SGK3: variants seen among roughly 807,000 people sequenced by gnomAD.
SGK3 encodes serine/threonine-protein kinase Sgk3.
In SGK3, 47 loss-of-function variants were observed where a neutral mutation model predicts 68.5. That is an observed-to-expected ratio of 0.69 (90% CI 0.54 to 0.87). The LOEUF is 0.87. SGK3 is among the 40% of genes least tolerant of loss of function. SGK3 has a pLI of 0.00. For synonymous variants in SGK3, 181 were observed against 189.1 expected (o/e 0.96, Z 0.35); for missense variants, 479 against 575.5 (o/e 0.83, Z 1.72).
At chr8:66,721,997 T>G (rs1378875585) in intron 1 of SGK3, among the ~76,000 whole-genome samples, 1 of 152,156 alleles carries the variant, frequency 6.6e-6, no homozygotes, top group Non-Finnish European at 1.5e-5. Flanking sequence ...AGATATACAC[T>G]GGTGAAAGCT....
At chr8:66,822,309 T>C in intron 5 of SGK3, 63 bp from the exon 6 acceptor site, 1 of 1,458,540 alleles carries the variant, frequency 6.9e-7, no homozygotes, top group Non-Finnish European at 9.3e-7. Context: ...ATTTTCATTT[T>C]AAAAGGGAGA....
intron 1 of SGK3, among the ~76,000 whole-genome samples, chr8:66,780,058 A>T (rs755897387): frequency 6.6e-6 from 1 of 152,218 alleles, no homozygotes; most frequent in Non-Finnish European, 1.5e-5. Flanking sequence ...ACACATGCTG[A>T]TATACTCCCA....
chr8:66,755,023 C>T (rs951968393), intron 1 of SGK3, among the ~76,000 whole-genome samples: 5 of 152,114 alleles, frequency 3.3e-5, no homozygotes, highest in Non-Finnish European at 5.9e-5. Context: ...CTTTGGGAGG[C>T]GGAAGCGGGT....
In SGK3 at chr8:66,840,487, A is replaced by G. The variant is rs1017902842; in HGVS notation, c.891+240A>G. Among the ~76,000 whole-genome samples the G allele has an allele frequency of 7.2e-5, 11 of 152,174 alleles. No homozygotes were observed. In the South Asian group the frequency reaches 1.9e-3, roughly 26 times the overall value. On this transcript the variant is annotated intron_variant, in intron 12 of 16. Transcript: ENST00000521198. ...CCTTTGGTGGTGGTTACACAAATCT[A>G]TACATCTGTATTGCGTAGAGCTACA...
In SGK3 at chr8:66,800,328, G is replaced by A. The variant is rs1327728818; in HGVS notation, c.180+1703G>A. 1.9e-4 allele frequency among the ~76,000 whole-genome samples: 28 copies of A among 144,656 alleles called. No homozygotes were observed. The South Asian group carries it at 3.2e-3, about 17-fold the overall frequency. 94.9% of individuals were successfully genotyped at this position (144,656 alleles called of 152,430 possible). A position where few individuals can be genotyped will look rare whatever the true frequency, so the allele number is the denominator to read the frequency against. On this transcript the variant is annotated intron_variant, in intron 3 of 16. Coordinates refer to ENST00000521198, the MANE Select transcript of SGK3 (RefSeq NM_001033578.3). ...TGCACTCCAGCCTGGGTGACGGAGC[G>A]AGACTCTCTCTCAAAAAAAAAAAAG...
At chr8:66,840,318 A>T in intron 12 of SGK3, 71 bp downstream of exon 12, 3 of 1,378,396 alleles carry the variant, frequency 2.2e-6, no homozygotes, top group East Asian at 2.3e-5. Context: ...GTGCAAAAAA[A>T]GTCTCAGAGA....
intron 9 of SGK3, 29 bp from the exon 10 acceptor site, chr8:66,835,914 A>G: frequency 1.9e-6 from 3 of 1,612,766 alleles, no homozygotes; most frequent in Non-Finnish European, 2.5e-6. Context: ...CTAGTGTATA[A>G]TACAATTGAT....
At chr8:66,831,790 T>A (rs1318947807) in intron 8 of SGK3, among the ~76,000 whole-genome samples, 1 of 152,218 alleles carries the variant, frequency 6.6e-6, no homozygotes, top group Non-Finnish European at 1.5e-5. Context: ...AGAAAAGGCA[T>A]CTACTCAAAT....
At chr8:66,737,897 T>C (rs1234677863) in intron 1 of SGK3, among the ~76,000 whole-genome samples, 2 of 152,144 alleles carry the variant, frequency 1.3e-5, no homozygotes, top group Non-Finnish European at 2.9e-5. Flanking sequence ...ATTATAGGCA[T>C]GAGCCACCGC....
At chr8:66,817,614 A>G (rs1808647818) in intron 5 of SGK3, among the ~76,000 whole-genome samples, 1 of 151,902 alleles carries the variant, frequency 6.6e-6, no homozygotes, top group Non-Finnish European at 1.5e-5. Context: ...GGCCTCCTGA[A>G]GTGCTGGGAT....
In SGK3 at chr8:66,840,076, G is replaced by C; in HGVS notation, c.815G>C (p.Ser272Thr). 6.2e-7 allele frequency: 1 copy of C among 1,613,888 alleles called. No individual in the cohort carries two copies. Among genetic ancestry groups the C allele is most frequent in the Non-Finnish European group, 8.5e-7 (1 of 1,179,952 alleles). The change falls in exon 11 of 17, where the codon AGT becomes ACT. Residue 272 changes from serine to threonine, a missense_variant. By Grantham distance (58) the Ser-to-Thr change is moderately conservative (BLOSUM62 1). Transcript: ENST00000521198. ...RARFYAAEIASALGYLHSIKI... is the reference protein window; with the variant it reads ...RARFYAAEIATALGYLHSIKI... The stretch of plus-strand genomic sequence containing the variant: ...AGGTTTTACGCTGCTGAAATTGCTA[G>C]TGCATTGGGTTACTTACATTCCATC...
intron 15 of SGK3, among the ~76,000 whole-genome samples, chr8:66,850,378 T>A (rs78084577): frequency 6.6e-6 from 1 of 152,320 alleles, no homozygotes; most frequent in Non-Finnish European, 1.5e-5. Flanking sequence ...TTTTTATTAG[T>A]AGAACTCATG....
chr8:66,848,484 T>C (rs1810130029), intron 15 of SGK3, among the ~76,000 whole-genome samples: 2 of 152,334 alleles, frequency 1.3e-5, no homozygotes, highest in South Asian at 4.1e-4. Context: ...TTGCCTTCTA[T>C]TTTGTAAGGA....
intron 6 of SGK3, among the ~76,000 whole-genome samples, chr8:66,823,049 T>A (rs1808909554): frequency 6.6e-6 from 1 of 152,174 alleles, no homozygotes; most frequent in Non-Finnish European, 1.5e-5. Flanking sequence ...CACCCACACC[T>A]AAAAATTTTT....
chr8:66,830,588 C>T (rs1030381671), intron 7 of SGK3, among the ~76,000 whole-genome samples: 2 of 152,184 alleles, frequency 1.3e-5, no homozygotes, highest in African/African-American at 4.8e-5. Context: ...GTGTTTTTGT[C>T]TACATAACAG....
At chr8:66,719,956 C>T (rs1804751196) in intron 1 of SGK3, among the ~76,000 whole-genome samples, 1 of 152,176 alleles carries the variant, frequency 6.6e-6, no homozygotes, top group Non-Finnish European at 1.5e-5. Flanking sequence ...TTCTCTTATA[C>T]AGGCTTGCTT....
At chr8:66,761,017 CAAA>C (rs763544342) in intron 1 of SGK3, among the ~76,000 whole-genome samples, 10 of 79,470 alleles carry the variant, frequency 1.3e-4, no homozygotes, top group Admixed American at 2.7e-4. Flanking sequence ...AACTCTGTCT[CAAA>C]AAAAAAAAAA....
At chr8:66,834,500 T>TTTTGTTTTG (rs1563651876) in intron 8 of SGK3, among the ~76,000 whole-genome samples, 108 of 146,788 alleles carry the variant, frequency 7.4e-4, no homozygotes, top group African/African-American at 2.8e-3. Context: ...GTTTTGTTTT[T>TTTTGTTTTG]TTGAACTGCA....
At chr8:66,826,223 G>A (rs10099769) in intron 6 of SGK3, among the ~76,000 whole-genome samples, 4,289 of 151,964 alleles carry the variant, frequency 0.028, 185 homozygotes, top group African/African-American at 0.097. Flanking sequence ...CACCCGCCTC[G>A]GCCTCCCAAA....
Sources: allele counts gnomAD v4.1 joint callset (sites outside exome capture counted in the v4.1 genomes callset), GRCh38; gene constraint gnomAD v4.1.1; transcripts MANE v1.5; gene names NCBI Gene and HGNC (gene_info 2026-07-23, HGNC 2026-07-21).